The following TPD52 variants were observed in gnomAD, a reference collection of about 807,000 sequenced individuals.
The protein encoded by TPD52 is tumor protein D52, also known as prostate and colon associated protein.
A neutral mutation model predicts 31.3 loss-of-function variants in TPD52; 17 were observed. The ratio of observed to expected loss-of-function variants is 0.54; its 90% CI spans 0.37 to 0.82. The LOEUF is 0.82. Ranked by LOEUF, TPD52 falls within the 40% of genes least tolerant of loss-of-function variation. The pLI is 0.00. For missense variants in TPD52, 212 were observed against 240.1 expected (o/e 0.88, Z 0.77); for synonymous variants, 83 against 89.6 (o/e 0.93, Z 0.42).
intron 1 of TPD52, among the ~76,000 whole-genome samples, chr8:80,107,380 A>C (rs750203124): frequency 1.6e-4 from 24 of 152,228 alleles, no homozygotes; most frequent in Non-Finnish European, 3.1e-4. Flanking sequence ...GGAAAAGGAT[A>C]AGGAAGCTAC....
At chr8:80,122,329 G>A (rs1200290691) in intron 1 of TPD52, among the ~76,000 whole-genome samples, 3 of 152,188 alleles carry the variant, frequency 2.0e-5, no homozygotes, top group African/African-American at 7.2e-5. Context: ...TAAGAAACAA[G>A]AGACAGAAGC....
At chr8:80,094,459 TA>T (rs1816561954) in intron 1 of TPD52, among the ~76,000 whole-genome samples, 4 of 90,084 alleles carry the variant, frequency 4.4e-5, no homozygotes, top group Admixed American at 1.1e-4. Context: ...TATATATATA[TA>T]TATATATATA....
At chr8:80,162,198 G>A (rs531599199) in intron 1 of TPD52, among the ~76,000 whole-genome samples, 15 of 152,194 alleles carry the variant, frequency 9.9e-5, no homozygotes, top group East Asian at 1.9e-4. Flanking sequence ...AGTACTGAAA[G>A]CCACAGAAAG....
intron 1 of TPD52, among the ~76,000 whole-genome samples, chr8:80,156,570 A>G (rs549171202): frequency 4.9e-4 from 74 of 152,310 alleles, no homozygotes; most frequent in African/African-American, 1.4e-3. Flanking sequence ...TTCTAAGAGA[A>G]AGAGCTGGGC....
chr8:80,091,980 TAA>T (rs1407733231), intron 1 of TPD52, among the ~76,000 whole-genome samples: 2 of 152,326 alleles, frequency 1.3e-5, no homozygotes, highest in Middle Eastern at 3.4e-3. Flanking sequence ...CATTTGAACA[TAA>T]GAGACAGATT....
intron 1 of TPD52, among the ~76,000 whole-genome samples, chr8:80,086,416 C>T (rs766360256): frequency 2.6e-5 from 4 of 151,886 alleles, no homozygotes; most frequent in Admixed American, 2.0e-4. Flanking sequence ...CGAGCCTGAC[C>T]GGAAGGTTCT....
intron 7 of TPD52, among the ~76,000 whole-genome samples, chr8:80,039,200 GTTCA>G (rs1212332014): frequency 1.3e-5 from 2 of 152,122 alleles, no homozygotes; most frequent in Non-Finnish European, 2.9e-5. Flanking sequence ...AATAATGTGT[GTTCA>G]TTGTTTATTA....
chr8:80,062,901 A>G (rs1338810957), intron 2 of TPD52, among the ~76,000 whole-genome samples: 2 of 152,170 alleles, frequency 1.3e-5, no homozygotes, highest in Non-Finnish European at 2.9e-5. Context: ...CCAGGAGTTC[A>G]ACATTATAGT....
intron 1 of TPD52, chr8:80,158,778 A>C (rs1811145025): frequency 6.6e-6 from 1 of 151,380 alleles, no homozygotes; most frequent in Non-Finnish European, 1.5e-5. Flanking sequence ...CCCCGTCTCT[A>C]CTAAAAATAC....
chr8:80,084,974 T>C (rs982699035), intron 1 of TPD52, among the ~76,000 whole-genome samples: 5 of 152,246 alleles, frequency 3.3e-5, no homozygotes, highest in Admixed American at 6.5e-5. Flanking sequence ...ATTCAGGTAA[T>C]AGAAAAATAT....
At chr8:80,141,981 T>C (rs1809862037) in intron 1 of TPD52, among the ~76,000 whole-genome samples, 1 of 152,048 alleles carries the variant, frequency 6.6e-6, no homozygotes, top group African/African-American at 2.4e-5. Context: ...TATGTAGCAA[T>C]AGATACTAAG....
intron 7 of TPD52, among the ~76,000 whole-genome samples, chr8:80,038,474 C>T (rs1810070979): frequency 1.3e-5 from 2 of 152,022 alleles, no homozygotes; most frequent in African/African-American, 4.8e-5. Flanking sequence ...CTTCCCCTTT[C>T]CCCCTGCTCC....
At chr8:80,095,494 TA>T (rs1816659755) in intron 1 of TPD52, among the ~76,000 whole-genome samples, 1 of 152,156 alleles carries the variant, frequency 6.6e-6, no homozygotes, top group Non-Finnish European at 1.5e-5. Flanking sequence ...ACAACACTAA[TA>T]AAAACTACAG....
chr8:80,065,441 G>A (rs1334153954), intron 1 of TPD52, among the ~76,000 whole-genome samples: 1 of 151,934 alleles, frequency 6.6e-6, no homozygotes, highest in Non-Finnish European at 1.5e-5. Flanking sequence ...TTGGAACGGA[G>A]CCTGTCAGGA....
At chr8:80,171,280 C>T in intron 1 of TPD52, 145 bp downstream of exon 1, 1 of 1,057,284 alleles carries the variant, frequency 9.5e-7, no homozygotes, top group Non-Finnish European at 1.4e-6. Context: ...GATCCGGATC[C>T]GGGAGATGCA....
intron 1 of TPD52, among the ~76,000 whole-genome samples, chr8:80,155,253 T>C (rs971303995): frequency 3.3e-5 from 5 of 152,224 alleles, no homozygotes; most frequent in African/African-American, 1.2e-4. Context: ...GTGTTCTGAC[T>C]GCTCCACTGA....
intron 1 of TPD52, among the ~76,000 whole-genome samples, chr8:80,131,838 T>G (rs939679863): frequency 4.6e-5 from 7 of 151,884 alleles, no homozygotes; most frequent in African/African-American, 1.7e-4. Flanking sequence ...AAGGTTTTGG[T>G]TTGGAGACAG....
intron 1 of TPD52, among the ~76,000 whole-genome samples, chr8:80,134,266 C>A (rs1381971363): frequency 6.6e-6 from 1 of 152,210 alleles, no homozygotes; most frequent in Non-Finnish European, 1.5e-5. Context: ...GCACTGCAAT[C>A]ATTCAAAGAT....
intron 1 of TPD52, among the ~76,000 whole-genome samples, chr8:80,167,985 T>C (rs1021442172): frequency 6.6e-6 from 1 of 152,244 alleles, no homozygotes; most frequent in African/African-American, 2.4e-5. Context: ...ACACAATGTA[T>C]GCTCTAGTTA....
Sources: allele counts gnomAD v4.1 joint callset (sites outside exome capture counted in the v4.1 genomes callset), GRCh38; gene constraint gnomAD v4.1.1; transcripts MANE v1.5; gene names NCBI Gene and HGNC (gene_info 2026-07-23, HGNC 2026-07-21).